Variants in EXOC1 observed in about 807,000 individuals in gnomAD.
EXOC1 encodes SEC3-like 1.
EXOC1 carries 67 observed loss-of-function variants against 107.7 expected under a neutral mutation model. The ratio of observed to expected loss-of-function variants is 0.62; its 90% CI spans 0.51 to 0.76. EXOC1 has a LOEUF of 0.76. Ranked by LOEUF, EXOC1 falls within the 30% of genes least tolerant of loss-of-function variation. The pLI, the probability that EXOC1 is intolerant of heterozygous loss-of-function variation, is 0.00. For synonymous variants in EXOC1, 348 were observed against 353.5 expected (o/e 0.98, Z 0.17); for missense variants, 833 against 1,055.7 (o/e 0.79, Z 2.92).
chr4:55,870,252 G>A (rs1722304652), intron 5 of EXOC1, among the ~76,000 whole-genome samples: 1 of 152,148 alleles, frequency 6.6e-6, no homozygotes, highest in African/African-American at 2.4e-5. Context: ...CTTTTATTTA[G>A]GGTTTCACAT....
intron 10 of EXOC1, among the ~76,000 whole-genome samples, chr4:55,884,680 T>C (rs1348196519): frequency 1.3e-5 from 2 of 152,204 alleles, no homozygotes; most frequent in Non-Finnish European, 2.9e-5. Context: ...AGTCAAAACC[T>C]GGCCTTAAAT....
chr4:55,864,379 T>C lies in EXOC1; in HGVS notation c.408T>C (p.Leu136=), dbSNP rs767822719. 6.2e-7 allele frequency: 1 copy of C among 1,603,746 alleles called. No individual in the cohort carries two copies. The highest frequency in any genetic ancestry group is 1.7e-5 in the Admixed American group (1 of 58,076). The change falls in exon 4 of 19, where the codon CTT becomes CTC. Residue 136 remains leucine (L), a synonymous_variant. Transcript: ENST00000381295. ...KIDFVNVSSQ[L]LEESVPSGEN... ...ATTTTGTCAATGTTAGCTCACAGCT[T>C]TTGGAAGGTAAAGTTAAATAAAAAT...
intron 10 of EXOC1, among the ~76,000 whole-genome samples, chr4:55,887,959 G>T (rs112502102): frequency 1.3e-5 from 2 of 152,310 alleles, no homozygotes; most frequent in African/African-American, 4.8e-5. Flanking sequence ...AGATATACCA[G>T]TCACTGATGT....
chr4:55,886,659 G>A (rs764697264), intron 10 of EXOC1, among the ~76,000 whole-genome samples: 1 of 151,068 alleles, frequency 6.6e-6, no homozygotes, highest in African/African-American at 2.4e-5. Context: ...TCTCATTTTA[G>A]AATGATGACT....
chr4:55,867,058 A>T (rs530267514), intron 4 of EXOC1, among the ~76,000 whole-genome samples: 1 of 152,216 alleles, frequency 6.6e-6, no homozygotes, highest in African/African-American at 2.4e-5. Flanking sequence ...TTTCAAGGAC[A>T]TATCATTAGA....
intron 8 of EXOC1, among the ~76,000 whole-genome samples, chr4:55,874,099 A>G (rs947195360): frequency 2.6e-5 from 4 of 152,142 alleles, no homozygotes; most frequent in African/African-American, 9.6e-5. Flanking sequence ...GAGTTTATTG[A>G]GAATTTAAGG....
At chr4:55,860,217 C>T (rs73817296) in intron 2 of EXOC1, among the ~76,000 whole-genome samples, 194 bp from the exon 3 acceptor site, 5,238 of 152,090 alleles carry the variant, frequency 0.034, 299 homozygotes, top group African/African-American at 0.12. Flanking sequence ...AAGGAATCTC[C>T]TCTGATCTTC....
Position 55,868,410 on chromosome 4 carries a change from A to C in EXOC1, c.490A>C (p.Asn164His). ...EEVVDEYQELNAREEQDIEIM... is the reference protein window; with the variant it reads ...EEVVDEYQELHAREEQDIEIM... ...AGTAGTAGATGAATACCAAGAGTTA[A>C]ATGCAAGAGAAGAACAGGATATCGA... Residue 164 changes from asparagine (N) to histidine (H), a missense_variant, in exon 5 of 19, where the codon AAT becomes CAT. Asn to His is a moderately conservative substitution (Grantham distance 68). This residue lies in a region of EXOC1 where 617 missense variants were observed against 701.3 expected (regional missense o/e 0.88). Transcript: ENST00000381295. The C allele has an allele frequency of 6.2e-7, 1 of 1,613,870 alleles. No homozygotes were observed. Among genetic ancestry groups the C allele is most frequent in the Non-Finnish European group, 8.5e-7 (1 of 1,179,852 alleles).
chr4:55,892,581 A>G, intron 13 of EXOC1, 54 bp from the exon 14 acceptor site: 1 of 1,449,368 alleles, frequency 6.9e-7, no homozygotes, highest in South Asian at 1.1e-5. Context: ...CTATATCAAT[A>G]CTAGTCAAAT....
intron 1 of EXOC1, among the ~76,000 whole-genome samples, chr4:55,856,864 T>C (rs960828385): frequency 1.2e-4 from 18 of 152,180 alleles, no homozygotes; most frequent in Non-Finnish European, 1.3e-4. Flanking sequence ...ATTGTATAAT[T>C]GAGTGATTTT....
At position 55,868,367 on chromosome 4, in the gene EXOC1, G is replaced by C; in HGVS notation, c.447G>C (p.Val149=). The stretch of plus-strand genomic sequence containing the variant: ...TTCCAAGTGGAGAAAATCAGAGTGT[G>C]ACAGGAGGTGATGAAGAAGTAGTAG... ...ESVPSGENQS[V]TGGDEEVVDE... Residue 149 remains valine (V), a synonymous_variant, in exon 5 of 19, where the codon GTG becomes GTC. Transcript: ENST00000381295. The C allele has an allele frequency of 6.2e-7, 1 of 1,613,306 alleles. No homozygotes were observed.
intron 10 of EXOC1, among the ~76,000 whole-genome samples, chr4:55,888,161 C>A (rs1724106853): frequency 6.6e-6 from 1 of 152,058 alleles, no homozygotes; most frequent in Non-Finnish European, 1.5e-5. Flanking sequence ...TCATATTGAT[C>A]TAATAAATAT....
chr4:55,860,666 C>A, intron 3 of EXOC1, 125 bp downstream of exon 3: 1 of 1,225,476 alleles, frequency 8.2e-7, no homozygotes, highest in Non-Finnish European at 1.1e-6. Flanking sequence ...TATTTTTTTG[C>A]TTTTTTTAAG....
chr4:55,888,026 G>A (rs942012997), intron 10 of EXOC1, among the ~76,000 whole-genome samples: 1 of 152,106 alleles, frequency 6.6e-6, no homozygotes, highest in Non-Finnish European at 1.5e-5. Context: ...ACATCTTTTT[G>A]CTGTTTTAAA....
chr4:55,877,593 A>AT, intron 8 of EXOC1: 1 of 985,370 alleles, frequency 1.0e-6, no homozygotes, highest in Non-Finnish European at 1.2e-6. Flanking sequence ...TGCTTGGTAA[A>AT]TTGTGAAATA....
chr4:55,901,517 CAG>C (rs1214046910), intron 17 of EXOC1, among the ~76,000 whole-genome samples: 1 of 151,836 alleles, frequency 6.6e-6, no homozygotes, highest in Non-Finnish European at 1.5e-5. Flanking sequence ...AATAATATAA[CAG>C]AGTCAGTATA....
At chr4:55,890,543 A>C (rs976444814) in intron 12 of EXOC1, among the ~76,000 whole-genome samples, 157 bp downstream of exon 12, 12 of 151,952 alleles carry the variant, frequency 7.9e-5, no homozygotes, top group African/African-American at 2.4e-4. Flanking sequence ...AAAAAAAAAA[A>C]AAAAACTAGT....
chr4:55,885,485 G>T (rs1446786168), intron 10 of EXOC1: 1 of 152,082 alleles, frequency 6.6e-6, no homozygotes, highest in Non-Finnish European at 1.5e-5. Flanking sequence ...AGGTTAAAAG[G>T]TAGTTTTGTA....
intron 10 of EXOC1, 92 bp from the exon 11 acceptor site, chr4:55,888,796 A>C: frequency 1.5e-6 from 2 of 1,311,170 alleles, no homozygotes; most frequent in Non-Finnish European, 2.2e-6. Flanking sequence ...CTTTTAAACT[A>C]GAGCTTTAAC....
Sources: allele counts gnomAD v4.1 joint callset (sites outside exome capture counted in the v4.1 genomes callset), GRCh38; gene constraint gnomAD v4.1.1; regional missense constraint gnomAD v4.1.1; transcripts MANE v1.5; gene names NCBI Gene and HGNC (gene_info 2026-07-23, HGNC 2026-07-21).